Variants in SIPA1L3 observed in about 807,000 individuals in gnomAD.
SIPA1L3 encodes signal-induced proliferation-associated 1-like protein 3.
In SIPA1L3, 59 loss-of-function variants were observed where a neutral mutation model predicts 150.1. That is an observed-to-expected ratio of 0.39 (90% CI 0.32 to 0.49). The LOEUF is 0.49. Among genes scored for constraint, SIPA1L3 ranks in the 20% least tolerant of loss-of-function variants. SIPA1L3 has a pLI of 0.86. For missense variants in SIPA1L3, 2,211 were observed against 2,489.5 expected (o/e 0.89, Z 2.38); for synonymous variants, 1,070 against 1,077.6 (o/e 0.99, Z 0.14).
intron 1 of SIPA1L3, among the ~76,000 whole-genome samples, chr19:38,024,504 G>C (rs1007819370): frequency 3.9e-5 from 6 of 151,942 alleles, no homozygotes; most frequent in Non-Finnish European, 7.4e-5. Context: ...GGGAGTTCAA[G>C]GTGAAACCTC....
chr19:38,077,661 C>CTTTTTCTTT (rs1969870368), intron 2 of SIPA1L3, among the ~76,000 whole-genome samples: 4 of 64,322 alleles, frequency 6.2e-5, no homozygotes, highest in African/African-American at 2.4e-4. Flanking sequence ...TTTTCTTTTT[C>CTTTTTCTTT]TTTTTTTTTT....
At chr19:38,071,231 A>G (rs1195749963) in intron 2 of SIPA1L3, among the ~76,000 whole-genome samples, 1 of 151,542 alleles carries the variant, frequency 6.6e-6, no homozygotes, top group Non-Finnish European at 1.5e-5. Flanking sequence ...CTATCTATCT[A>G]TCTATCTATC....
At chr19:38,053,679 C>T (rs1235360394) in intron 2 of SIPA1L3, among the ~76,000 whole-genome samples, 1 of 152,094 alleles carries the variant, frequency 6.6e-6, no homozygotes, top group Non-Finnish European at 1.5e-5. Flanking sequence ...ACCTCAGCCT[C>T]CCAAGTAGCT....
At chr19:38,170,239 C>T (rs1972296816) in intron 15 of SIPA1L3, among the ~76,000 whole-genome samples, 1 of 152,200 alleles carries the variant, frequency 6.6e-6, no homozygotes, top group South Asian at 2.1e-4. Flanking sequence ...CACCCCACCT[C>T]ACTCCATTGG....
Position 38,082,630 on chromosome 19 carries a change from GGCC to G in SIPA1L3, c.1069_1071del (p.Ala357del). 2 of 1,605,518 alleles carry G rather than the reference GGCC, an allele frequency of 1.2e-6. No individual in the cohort carries two copies. Among genetic ancestry groups the G allele is most frequent in the Non-Finnish European group, 1.7e-6 (2 of 1,179,756 alleles). On this transcript the variant is annotated inframe_deletion, in exon 3 of 22. Transcript: ENST00000222345. The stretch of plus-strand genomic sequence containing the variant: ...GCATGCTGTTCGACCTCAACGAGGC[GGCC>G]GCCAACAGGGTGTCGGTGTCGCAGC...
chr19:38,009,514 C>A (rs1031222046), intron 1 of SIPA1L3, among the ~76,000 whole-genome samples: 1 of 152,136 alleles, frequency 6.6e-6, no homozygotes, highest in African/African-American at 2.4e-5. Context: ...GTTGTAATAA[C>A]ATCTTTGCCA....
rs377141106 is a variant in SIPA1L3, at chr19:38,020,091, T to C, written c.-378-8998T>C. 4.1e-3 allele frequency among the ~76,000 whole-genome samples: 552 copies of C among 134,376 alleles called. 5 individuals are homozygous for C. The highest frequency in any genetic ancestry group is 5.4e-3 in the Non-Finnish European group (333 of 61,138). 88.2% of individuals were successfully genotyped at this position (134,376 alleles called of 152,430 possible). ...CTGGGCAACAGAGTGAGACCCCGTCTCTCTCTCTCTATATATAAATAAATA... is the reference window on the plus strand; with the variant it reads ...CTGGGCAACAGAGTGAGACCCCGTCCCTCTCTCTCTATATATAAATAAATA... On this transcript the variant is annotated intron_variant, in intron 1 of 21. Transcript: ENST00000222345.
At chr19:37,958,537 G>A (rs1438113287) in intron 1 of SIPA1L3, among the ~76,000 whole-genome samples, 2 of 152,192 alleles carry the variant, frequency 1.3e-5, no homozygotes, top group Non-Finnish European at 2.9e-5. Flanking sequence ...AGACCTAAAT[G>A]TAAGAGTTAA....
rs748128260 is a variant in SIPA1L3, at chr19:38,082,213, G to C, written c.648G>C (p.Gln216His). The change falls in exon 3 of 22, where the codon CAG (glutamine) becomes CAC (histidine). Residue 216 changes from glutamine to histidine, a missense_variant. This residue lies in a region of SIPA1L3 where 587 missense variants were observed against 534.5 expected (regional missense o/e 1.10). Coordinates refer to ENST00000222345, the MANE Select transcript of SIPA1L3 (RefSeq NM_015073.3). ...TCGACGTGCAGGGCATGCCCGAGCA[G>C]AGCTTCTTCGACATCCTGAACGAGT... The part of the protein sequence containing the change: ...SSIDVQGMPE[Q>H]SFFDILNEFR... The C allele has an allele frequency of 1.2e-6, 2 of 1,602,570 alleles. No individual in the cohort carries two copies. Among genetic ancestry groups the C allele is most frequent in the East Asian group, 2.2e-5 (1 of 44,848 alleles).
chr19:38,016,949 T>C (rs1419724669), intron 1 of SIPA1L3, among the ~76,000 whole-genome samples: 1 of 128,272 alleles, frequency 7.8e-6, no homozygotes, highest in Non-Finnish European at 1.5e-5. Context: ...CAGGCTGGAG[T>C]GCAGTGGCGT....
At chr19:37,919,273 C>T (rs1415764950) in intron 1 of SIPA1L3, among the ~76,000 whole-genome samples, 2 of 152,174 alleles carry the variant, frequency 1.3e-5, no homozygotes, top group Non-Finnish European at 2.9e-5. Flanking sequence ...CTGGACAGTG[C>T]CTGGCATGTG....
chr19:37,984,282 A>C (rs1164768133), intron 1 of SIPA1L3, among the ~76,000 whole-genome samples: 1 of 152,202 alleles, frequency 6.6e-6, no homozygotes, highest in Non-Finnish European at 1.5e-5. Flanking sequence ...TAGAATAGAG[A>C]TAAAATACAT....
At position 38,187,619 on chromosome 19, in the gene SIPA1L3, A is replaced by G. The variant is rs924441994; in HGVS notation, c.4431-4526A>G. Reference sequence around the variant, plus strand: ...GTAGTCCCAGCTACTCGGGAGGCTGAGGCAGGAGAATGGCGTGAACCCCAG... The same window carrying G: ...GTAGTCCCAGCTACTCGGGAGGCTGGGGCAGGAGAATGGCGTGAACCCCAG... On this transcript the variant is annotated intron_variant, in intron 16 of 21. Coordinates refer to ENST00000222345, the MANE Select transcript of SIPA1L3 (RefSeq NM_015073.3). 2.8e-5 allele frequency among the ~76,000 whole-genome samples: 4 copies of G among 142,368 alleles called. No homozygotes were observed. In the East Asian group the frequency reaches 9.0e-4, roughly 32 times the overall value. The allele number at this position is 142,368 out of a possible 152,430, so 93.4% of individuals were successfully genotyped here. A position where few individuals can be genotyped will look rare whatever the true frequency, so the allele number is the denominator to read the frequency against.
rs144520564 is a variant in SIPA1L3, at chr19:37,976,012, C to T, written c.-378-53077C>T. Among the ~76,000 whole-genome samples the T allele has an allele frequency of 4.2e-4, 64 of 151,136 alleles. No homozygotes were observed. The East Asian group carries it at 0.011, about 25-fold the overall frequency. ...CTCAGCTACTTGGGAGGCTGAGGCA[C>T]GAGAATCACTCGAACCCAGGAGGTG... On this transcript the variant is annotated intron_variant, in intron 1 of 21. Coordinates refer to ENST00000222345, the MANE Select transcript of SIPA1L3 (RefSeq NM_015073.3).
chr19:37,971,825 C>T lies in SIPA1L3; in HGVS notation c.-378-57264C>T, dbSNP rs565492077. 1.2e-3 allele frequency among the ~76,000 whole-genome samples: 190 copies of T among 152,188 alleles called. 1 individual carries two copies. Among genetic ancestry groups the T allele is most frequent in the African/African-American group, 4.4e-3 (183 of 41,520 alleles). ...CAGGCAATCCGCCCGCCTCAGCCTC[C>T]CAAAGTGCTGGGATTACAGGTGTGA... On this transcript the variant is annotated intron_variant, in intron 1 of 21. Transcript: ENST00000222345.
At chr19:38,038,328 C>T (rs1171561123) in intron 2 of SIPA1L3, among the ~76,000 whole-genome samples, 1 of 152,128 alleles carries the variant, frequency 6.6e-6, no homozygotes, top group African/African-American at 2.4e-5. Flanking sequence ...CGAGGTGGCT[C>T]ATTCCTGTAA....
intron 1 of SIPA1L3, among the ~76,000 whole-genome samples, chr19:37,944,425 T>C (rs1179579625): frequency 6.6e-6 from 1 of 152,208 alleles, no homozygotes; most frequent in African/African-American, 2.4e-5. Context: ...CCAGGGTGCC[T>C]GGGTTCAAGT....
intron 1 of SIPA1L3, among the ~76,000 whole-genome samples, chr19:37,919,390 T>C (rs1441314695): frequency 6.6e-6 from 1 of 152,200 alleles, no homozygotes; most frequent in Non-Finnish European, 1.5e-5. Flanking sequence ...TAATATCTTA[T>C]TGAATCCTTA....
intron 1 of SIPA1L3, among the ~76,000 whole-genome samples, chr19:37,939,596 A>C (rs1406746966): frequency 6.6e-6 from 1 of 152,102 alleles, no homozygotes; most frequent in East Asian, 1.9e-4. Context: ...CTGCCACCTC[A>C]TGGTATGAGA....
Sources: allele counts gnomAD v4.1 joint callset (sites outside exome capture counted in the v4.1 genomes callset), GRCh38; gene constraint gnomAD v4.1.1; regional missense constraint gnomAD v4.1.1; transcripts MANE v1.5; gene names NCBI Gene and HGNC (gene_info 2026-07-23, HGNC 2026-07-21).